Variants in CEP89 observed in about 807,000 individuals in gnomAD.
CEP89 encodes centrosomal protein 89, also known as centrosomal protein of 89 kDa.
CEP89 carries 95 observed loss-of-function variants against 97.6 expected under a neutral mutation model. That is an observed-to-expected ratio of 0.97 (90% CI 0.82 to 1.15). CEP89 has a LOEUF of 1.15. CEP89 is among the 50% of genes most tolerant of loss of function. The pLI is 0.00. For missense variants in CEP89, 869 were observed against 947.7 expected, an observed-to-expected ratio of 0.92 and a Z score of 1.09; for synonymous variants, 354 against 349.1, an observed-to-expected ratio of 1.01 and a Z score of -0.16.
chr19:32,899,908 A>T lies in CEP89; in HGVS notation c.1824T>A (p.Leu608=), dbSNP rs200442281. 1.2e-4 allele frequency: 192 copies of T among 1,613,684 alleles called. 1 individual carries two copies. The highest frequency in any genetic ancestry group is 1.5e-4 in the Non-Finnish European group (180 of 1,179,744). The change falls in exon 16 of 19, where the codon CTT becomes CTA. Residue 608 remains leucine (L), a synonymous_variant. Transcript: ENST00000305768. The stretch of plus-strand genomic sequence containing the variant: ...GGGTTATGTTTTCTGCCAGGCCAAC[A>T]AGGTTTGCCAGGTACTGATGAGCAG... The part of the protein sequence containing the change: ...EMSAHQYLAN[L]VGLAENITQE...
chr19:32,936,475 C>G lies in CEP89; in HGVS notation c.667+1156G>C, dbSNP rs1042547649. ...CCCCGGTGAGGCCCCGCCTTCAGGT[C>G]GGAGAGGGCCTGAAGGCTGGGGACC... On this transcript the variant is annotated intron_variant, in intron 7 of 18. Transcript: ENST00000305768. The surrounding 1 kb of genome is among the most constrained non-coding windows in gnomAD (Gnocchi z 4.5). Among the ~76,000 whole-genome samples, 1 of 152,096 alleles carries G rather than the reference C, an allele frequency of 6.6e-6. No individual in the cohort carries two copies. Among genetic ancestry groups the G allele is most frequent in the African/African-American group, 2.4e-5 (1 of 41,430 alleles).
chr19:32,954,272 T>A (rs946231058), intron 3 of CEP89, among the ~76,000 whole-genome samples: 4 of 152,180 alleles, frequency 2.6e-5, no homozygotes, highest in Non-Finnish European at 5.9e-5. Context: ...CACCGTCCCA[T>A]CTCTTTGTAC....
chr19:32,952,709 G>A lies in CEP89; in HGVS notation c.492+906C>T, dbSNP rs184356279. On this transcript the variant is annotated intron_variant, in intron 4 of 18. Transcript: ENST00000305768. ...GCTTGAGGTCAGGAGTTCAAGACCA[G>A]CCTAGGCAACATGGAGAAACCCTGT... 1.2e-3 allele frequency among the ~76,000 whole-genome samples: 189 copies of A among 151,856 alleles called. 1 individual carries two copies. Among genetic ancestry groups the A allele is most frequent in the African/African-American group, 4.3e-3 (178 of 41,458 alleles).
At chr19:32,950,624 T>G (rs999732415) in intron 4 of CEP89, among the ~76,000 whole-genome samples, 2 of 152,226 alleles carry the variant, frequency 1.3e-5, no homozygotes. Flanking sequence ...CAGTATCTAC[T>G]GGTACTAAAG....
intron 14 of CEP89, among the ~76,000 whole-genome samples, chr19:32,905,461 G>C (rs1216757472): frequency 6.7e-6 from 1 of 149,928 alleles, no homozygotes; most frequent in Non-Finnish European, 1.5e-5. Context: ...CTCTAGTGAA[G>C]GTATCCAGGC....
chr19:32,932,012 T>C (rs1370280880), intron 8 of CEP89, among the ~76,000 whole-genome samples: 1 of 152,036 alleles, frequency 6.6e-6, no homozygotes, highest in African/African-American at 2.4e-5. Flanking sequence ...AAACCCCGTC[T>C]CTACTAAATA....
chr19:32,946,322 T>C (rs1380842697), intron 5 of CEP89, among the ~76,000 whole-genome samples: 1 of 152,128 alleles, frequency 6.6e-6, no homozygotes, highest in East Asian at 1.9e-4. Flanking sequence ...CTTCAAGTCA[T>C]TGTGTGTGTT....
chr19:32,915,327 A>C lies in CEP89; in HGVS notation c.1565+10T>G, dbSNP rs757810796. The stretch of plus-strand genomic sequence containing the variant: ...AAAAAAAAAAAAAAGAAAAAACATT[A>C]AATCCTTACCTTTTTAATTCATTCA... On this transcript the variant is annotated intron_variant, in intron 14 of 18. Coordinates refer to ENST00000305768, the MANE Select transcript of CEP89 (RefSeq NM_032816.5). 24 of 1,568,024 alleles carry C rather than the reference A, an allele frequency of 1.5e-5. No homozygotes were observed. Among genetic ancestry groups the C allele is most frequent in the Non-Finnish European group, 1.8e-5 (21 of 1,162,158 alleles).
At chr19:32,968,086 C>T (rs1347823850) in intron 1 of CEP89, among the ~76,000 whole-genome samples, 1 of 152,174 alleles carries the variant, frequency 6.6e-6, no homozygotes, top group East Asian at 1.9e-4. Context: ...CCGACTTGCA[C>T]AGCCACCCAC....
At chr19:32,898,350 T>A (rs1969686939) in intron 16 of CEP89, among the ~76,000 whole-genome samples, 1 of 151,976 alleles carries the variant, frequency 6.6e-6, no homozygotes, top group Non-Finnish European at 1.5e-5. Flanking sequence ...GAGGTGGAGA[T>A]TATAATGATA....
rs1284637801 is a variant in CEP89 at position 32,901,246 on chromosome 19, TA to T, written c.1731del (p.Asn577LysfsTer39). 4.4e-6 allele frequency: 7 copies of T among 1,608,896 alleles called. No individual in the cohort carries two copies. The African/African-American group carries it at 9.4e-5, about 22-fold the overall frequency. ...EAELERAQKI[N>X]RKSQKKIEVL... ...CTTAAAGGAAAAAAAGACACAAACC[TA>T]TTGATTTTCTGTGCTCGTTCAAGTT... On this transcript the variant is annotated frameshift_variant and splice_region_variant, in exon 15 of 19. Transcript: ENST00000305768. LOFTEE classifies it high-confidence loss of function.
intron 17 of CEP89, among the ~76,000 whole-genome samples, chr19:32,883,162 G>A (rs1349238980): frequency 2.0e-5 from 3 of 151,224 alleles, no homozygotes; most frequent in African/African-American, 4.9e-5. Flanking sequence ...GCGCCCGGCC[G>A]AGCATTTCTA....
chr19:32,905,456 G>A (rs929565925), intron 14 of CEP89, among the ~76,000 whole-genome samples: 2 of 151,152 alleles, frequency 1.3e-5, no homozygotes, highest in Non-Finnish European at 2.9e-5. Context: ...GAGCTCTCTA[G>A]TGAAGGTATC....
chr19:32,900,107 T>G (rs894250585), intron 15 of CEP89, 109 bp from the exon 16 acceptor site: 1 of 978,142 alleles, frequency 1.0e-6, no homozygotes, highest in Admixed American at 2.3e-5. Flanking sequence ...ATTTAAATGC[T>G]ATTCTTCAGC....
chr19:32,922,708 T>G (rs35634483), intron 12 of CEP89, among the ~76,000 whole-genome samples: 1 of 151,170 alleles, frequency 6.6e-6, no homozygotes, highest in South Asian at 2.1e-4. Context: ...ATTAGCCAGG[T>G]GTGGTGGCAC....
chr19:32,912,827 G>C (rs923860925), intron 14 of CEP89, among the ~76,000 whole-genome samples: 2 of 151,696 alleles, frequency 1.3e-5, no homozygotes, highest in African/African-American at 4.8e-5. Flanking sequence ...TGGATCACGA[G>C]GTCAGGAGAT....
intron 7 of CEP89, among the ~76,000 whole-genome samples, chr19:32,934,378 A>G (rs1415789345): frequency 6.6e-6 from 1 of 152,216 alleles, no homozygotes; most frequent in East Asian, 1.9e-4. Flanking sequence ...CCGAGGTCAC[A>G]TAGGACCTTA....
At position 32,879,371 on chromosome 19, in the gene CEP89, C is replaced by T. The variant is rs1969230723; in HGVS notation, c.2143G>A (p.Glu715Lys). The T allele has an allele frequency of 5.0e-6, 8 of 1,613,566 alleles. No homozygotes were observed. In the East Asian group the frequency reaches 1.6e-4, roughly 31 times the overall value. The change falls in exon 19 of 19, where the codon GAA (glutamate) becomes AAA (lysine). Residue 715 changes from glutamate (E) to lysine (K), a missense_variant. Glu to Lys is a moderately conservative substitution (Grantham distance 56, BLOSUM62 1). Coordinates refer to ENST00000305768, the MANE Select transcript of CEP89 (RefSeq NM_032816.5). Reference protein sequence around the residue: ...DQALQQNREMEGELEVIWEST... With the variant: ...DQALQQNREMKGELEVIWEST... Reference sequence around the variant, plus strand: ...TCCCAAATAACTTCAAGTTCACCTTCCATTTCTCTGAGGGAAATAAGTTTA... The same window carrying T: ...TCCCAAATAACTTCAAGTTCACCTTTCATTTCTCTGAGGGAAATAAGTTTA...
Position 32,920,650 on chromosome 19 carries a change from T to A in CEP89, c.1269-2311A>T, listed in dbSNP as rs559358961. On this transcript the variant is annotated intron_variant, in intron 12 of 18. Coordinates refer to ENST00000305768, the MANE Select transcript of CEP89 (RefSeq NM_032816.5). ...AGGCGTGCACCACCACACCTGGCTA[T>A]TTTTTATATTTTTAGTAGAGATGCG... is the stretch of plus-strand genomic sequence containing the variant. 3.7e-3 allele frequency among the ~76,000 whole-genome samples: 561 copies of A among 151,572 alleles called. 3 individuals are homozygous for A. Among genetic ancestry groups the A allele is most frequent in the South Asian group, 0.022 (107 of 4,788 alleles).
Sources: gnomAD v4.1 joint callset for allele counts (sites outside exome capture counted in the v4.1 genomes callset) on GRCh38, gnomAD v4.1.1 for gene constraint, Gnocchi (gnomAD v3.1) non-coding constraint, MANE v1.5 for transcripts, NCBI Gene and HGNC (gene_info 2026-07-23, HGNC 2026-07-21) for gene names.